CELF2: variants seen among roughly 807,000 people sequenced by gnomAD.
CELF2 encodes the protein CUG triplet repeat RNA-binding protein 2.
Under a neutral mutation model 62.6 loss-of-function variants are expected in CELF2, and 8 were observed. The ratio of observed to expected loss-of-function variants is 0.13; its 90% confidence interval spans 0.07 to 0.23. CELF2 has a LOEUF of 0.23. Among genes scored for constraint, CELF2 ranks in the 10% least tolerant of loss-of-function variants. The pLI is 1.00. For missense variants in CELF2, 333 were observed against 671.0 expected, an observed-to-expected ratio of 0.50 and a Z score of 5.56; for synonymous variants, 258 against 250.0, an observed-to-expected ratio of 1.03 and a Z score of -0.30.
chr10:10,903,628 G>A (rs933129591), intron 1 of CELF2, among the ~76,000 whole-genome samples: 1 of 152,116 alleles, frequency 6.6e-6, no homozygotes, highest in African/African-American at 2.4e-5. Flanking sequence ...ATACTATTAG[G>A]CCAACCTGAC....
chr10:10,502,740 T>G, the CELF2 span, among the ~76,000 whole-genome samples: 1 of 151,964 alleles, frequency 6.6e-6, no homozygotes, highest in South Asian at 2.1e-4. Flanking sequence ...TTTCCAATTT[T>G]AATGATTTCT....
chr10:10,982,849 A>G (rs547485261), intron 2 of CELF2, among the ~76,000 whole-genome samples: 2 of 151,784 alleles, frequency 1.3e-5, no homozygotes, highest in African/African-American at 2.4e-5. Flanking sequence ...TTTAAGGTGA[A>G]TTTGGTTTTG....
the CELF2 span, among the ~76,000 whole-genome samples, chr10:10,736,396 C>CTTTCTTTTTCT: frequency 1.3e-5 from 1 of 76,016 alleles, no homozygotes; most frequent in African/African-American, 5.0e-5. Context: ...TTCTTTCTTT[C>CTTTCTTTTTCT]TTTTTTTTTT....
At chr10:10,585,376 C>T in the CELF2 span, among the ~76,000 whole-genome samples, 6 of 152,130 alleles carry the variant, frequency 3.9e-5, no homozygotes, top group African/African-American at 1.4e-4. Context: ...TTATCTTTCC[C>T]TTCTGTCCTC....
At chr10:10,897,465 A>G (rs1364323937) in intron 1 of CELF2, among the ~76,000 whole-genome samples, 1 of 152,174 alleles carries the variant, frequency 6.6e-6, no homozygotes, top group East Asian at 1.9e-4. Context: ...GGAAAGAAAA[A>G]AAAATTGAGG....
chr10:10,900,750 A>G lies in CELF2; in HGVS notation c.54-19214A>G, dbSNP rs552075232. Among the ~76,000 whole-genome samples the G allele has an allele frequency of 4.1e-4, 63 of 152,354 alleles. No homozygotes were observed. The Middle Eastern group carries it at 0.01, about 25-fold the overall frequency. On this transcript the variant is annotated intron_variant, in intron 1 of 13. Coordinates refer to the CELF2 transcript ENST00000636488. ...AGAATGCAATACAAAAGTACAACAT[A>G]AAAGACACTTATATTGAAAAGAAAG...
At chr10:11,132,302 A>G (rs1443927940) in intron 1 of CELF2, among the ~76,000 whole-genome samples, 1 of 152,194 alleles carries the variant, frequency 6.6e-6, no homozygotes, top group Non-Finnish European at 1.5e-5. Flanking sequence ...GTGGGTTTTA[A>G]TTATTGTTAC....
At chr10:11,138,725 G>C (rs945643445) in intron 1 of CELF2, among the ~76,000 whole-genome samples, 1 of 152,234 alleles carries the variant, frequency 6.6e-6, no homozygotes, top group Non-Finnish European at 1.5e-5. Context: ...ATGCTAAAAT[G>C]AGTGGCATGT....
At chr10:11,109,617 T>A (rs1349359047) in intron 1 of CELF2, among the ~76,000 whole-genome samples, 1 of 152,240 alleles carries the variant, frequency 6.6e-6, no homozygotes, top group Non-Finnish European at 1.5e-5. Flanking sequence ...AGGCACTCTC[T>A]GAATTCATTA....
At chr10:10,690,982 C>T in the CELF2 span, among the ~76,000 whole-genome samples, 6 of 151,462 alleles carry the variant, frequency 4.0e-5, no homozygotes, top group Admixed American at 2.0e-4. Flanking sequence ...AAAGGGAAAT[C>T]GCCATATTCC....
At chr10:10,725,541 C>T in the CELF2 span, among the ~76,000 whole-genome samples, 5 of 152,170 alleles carry the variant, frequency 3.3e-5, no homozygotes, top group Non-Finnish European at 7.3e-5. Flanking sequence ...ACTCTAGTAA[C>T]TTGAGTTTCT....
At position 11,333,016 on chromosome 10, in the gene CELF2, ACTT is replaced by A. The variant is rs757546698; in HGVS notation, c.*3967_*3969del. ...ATTTCTAAGACCATTTCATTCTGAA[ACTT>A]CTTATCAATTACCTAAATCTCAACG... On this transcript the variant is annotated 3_prime_UTR_variant, in exon 13 of 13. Coordinates refer to ENST00000633077, the MANE Select transcript of CELF2 (RefSeq NM_001326342.2). 2.6e-5 allele frequency: 4 copies of A among 152,424 alleles called. No homozygotes were observed. The highest frequency in any genetic ancestry group is 1.9e-4 in the East Asian group (1 of 5,196). The allele number at this position is 152,424 out of a possible 1,614,324, so 9.4% of individuals were successfully genotyped here. A position where few individuals can be genotyped will look rare whatever the true frequency, so the allele number is the denominator to read the frequency against.
At chr10:11,019,562 C>T (rs72772086) in intron 1 of CELF2, among the ~76,000 whole-genome samples, 1,843 of 151,470 alleles carry the variant, frequency 0.012, 12 homozygotes, top group Non-Finnish European at 0.017. Flanking sequence ...CTGCAGTGGC[C>T]AATTATTTGA....
chr10:10,504,158 T>C, the CELF2 span, among the ~76,000 whole-genome samples: 1 of 152,122 alleles, frequency 6.6e-6, no homozygotes, highest in Non-Finnish European at 1.5e-5. Context: ...ACTACATTAT[T>C]GCTTACTTGT....
chr10:11,222,985 A>G (rs890824620), intron 3 of CELF2, among the ~76,000 whole-genome samples: 3 of 152,246 alleles, frequency 2.0e-5, no homozygotes, highest in Non-Finnish European at 2.9e-5. Flanking sequence ...ATGGAGGAAG[A>G]TGAAAGTTAA....
chr10:10,870,332 C>A (rs1487528274), intron 1 of CELF2, among the ~76,000 whole-genome samples: 1 of 151,866 alleles, frequency 6.6e-6, no homozygotes, highest in South Asian at 2.1e-4. Context: ...TTGCCTATCT[C>A]GGGGTATATA....
chr10:10,881,414 A>G (rs1262889368), intron 1 of CELF2, among the ~76,000 whole-genome samples: 4 of 152,182 alleles, frequency 2.6e-5, no homozygotes, highest in Admixed American at 2.0e-4. Flanking sequence ...CCTGAAGTTT[A>G]AAGCTGTGAA....
rs374177948 is a variant in CELF2, at chr10:11,247,587, T to TATGCCCGCCATCCC, written c.355-1550_355-1537dup. ...CCCTGCCATCCCACCCCCTCCATCC[T>TATGCCCGCCATCCC]ATGCCCGCCATCCCATGCCCGCCAT... On this transcript the variant is annotated intron_variant, in intron 3 of 12. Coordinates refer to ENST00000633077, the MANE Select transcript of CELF2 (RefSeq NM_001326342.2). The surrounding 1 kb of genome is among the most constrained non-coding windows in gnomAD (Gnocchi z 5.4). Among the ~76,000 whole-genome samples, 16 of 119,034 alleles carry TATGCCCGCCATCCC rather than the reference T, an allele frequency of 1.3e-4. No homozygotes were observed. The highest frequency in any genetic ancestry group is 1.9e-4 in the Non-Finnish European group (11 of 58,088). The allele number at this position is 119,034 out of a possible 152,430, so 78.1% of individuals were successfully genotyped here.
the CELF2 span, among the ~76,000 whole-genome samples, chr10:10,711,814 G>A: frequency 1.3e-5 from 2 of 152,096 alleles, no homozygotes; most frequent in East Asian, 1.9e-4. Context: ...CCTCGAAGGT[G>A]GAGGTTGCAG....
Sources: allele counts gnomAD v4.1 joint callset (sites outside exome capture counted in the v4.1 genomes callset), GRCh38; gene constraint gnomAD v4.1.1; non-coding constraint Gnocchi (gnomAD v3.1); transcripts MANE v1.5; gene names NCBI Gene and HGNC (gene_info 2026-07-23, HGNC 2026-07-21).